The following XPO7 variants were observed in gnomAD, a reference collection of about 807,000 sequenced individuals.
XPO7 encodes exportin-7.
A neutral mutation model predicts 144.3 loss-of-function variants in XPO7; 21 were observed. The ratio of observed to expected loss-of-function variants is 0.15; its 90% CI spans 0.10 to 0.21. XPO7 has a LOEUF of 0.21. Among genes scored for constraint, XPO7 ranks in the 10% least tolerant of loss-of-function variants. The pLI, the probability that XPO7 is intolerant of heterozygous loss-of-function variation, is 1.00. For missense variants in XPO7, 808 were observed against 1,325.8 expected (o/e 0.61, Z 6.06); for synonymous variants, 580 against 499.6 (o/e 1.16, Z -2.15).
At chr8:21,997,017 A>T (rs752274270) in intron 21 of XPO7, among the ~76,000 whole-genome samples, 2 of 152,160 alleles carry the variant, frequency 1.3e-5, no homozygotes, top group Non-Finnish European at 2.9e-5. Context: ...CGTGTTGGTC[A>T]TGCTGGTCTT....
chr8:21,966,769 T>C, intron 1 of XPO7, 88 bp from the exon 2 acceptor site: 2 of 1,499,506 alleles, frequency 1.3e-6, no homozygotes, highest in Non-Finnish European at 1.8e-6. Flanking sequence ...TTACTGATTA[T>C]TATTTATCTT....
chr8:21,997,718 A>T (rs1812999125), intron 21 of XPO7, among the ~76,000 whole-genome samples: 2 of 152,196 alleles, frequency 1.3e-5, no homozygotes, highest in South Asian at 4.1e-4. Flanking sequence ...ATCTCATTTA[A>T]GTTTTTTAAA....
At chr8:21,971,276 C>T (rs554505895) in intron 4 of XPO7, among the ~76,000 whole-genome samples, 1 of 152,250 alleles carries the variant, frequency 6.6e-6, no homozygotes, top group Admixed American at 6.5e-5. Context: ...TTTCGTAGAA[C>T]GTGTCGCCAT....
chr8:21,999,054 A>G (rs1038400624), intron 22 of XPO7, 37 bp from the exon 23 acceptor site: 22 of 1,611,448 alleles, frequency 1.4e-5, no homozygotes, highest in Non-Finnish European at 1.9e-5. Context: ...AGCGCTTCTA[A>G]TGTGGTTGAA....
chr8:21,990,309 T>A (rs1812727280), intron 16 of XPO7, 35 bp from the exon 17 acceptor site: 8 of 1,609,764 alleles, frequency 5.0e-6, no homozygotes, highest in Middle Eastern at 1.7e-4. Flanking sequence ...TCGGCCTGCT[T>A]CACACTTTCC....
intron 6 of XPO7, among the ~76,000 whole-genome samples, chr8:21,975,255 G>A (rs1812192402): frequency 6.6e-6 from 1 of 152,220 alleles, no homozygotes; most frequent in African/African-American, 2.4e-5. Flanking sequence ...ACATAAACAA[G>A]TAACATCTGT....
intron 2 of XPO7, 33 bp downstream of exon 2, chr8:21,967,036 A>C (rs4872191): frequency 1.3e-6 from 2 of 1,599,200 alleles, no homozygotes; most frequent in East Asian, 2.2e-5. Flanking sequence ...AAAGGATAAC[A>C]GGCGCTTCGG....
chr8:21,980,785 A>C (rs1812382601), intron 9 of XPO7, among the ~76,000 whole-genome samples: 1 of 152,158 alleles, frequency 6.6e-6, no homozygotes. Context: ...AAAAAAAAAA[A>C]AAAAACTAAC....
At chr8:22,000,644 G>A (rs1813110393) in intron 24 of XPO7, among the ~76,000 whole-genome samples, 2 of 151,848 alleles carry the variant, frequency 1.3e-5, no homozygotes, top group South Asian at 4.2e-4. Context: ...TAGTAGAGAC[G>A]GAGTTTCACT....
intron 1 of XPO7, among the ~76,000 whole-genome samples, chr8:21,924,748 A>G (rs1378489912): frequency 6.6e-6 from 1 of 152,172 alleles, no homozygotes; most frequent in Non-Finnish European, 1.5e-5. Flanking sequence ...TGCTCACAAC[A>G]TTTTATTGAG....
chr8:22,002,990 G>A, intron 25 of XPO7: 2 of 355,618 alleles, frequency 5.6e-6, no homozygotes, highest in Non-Finnish European at 1.0e-5. Flanking sequence ...AGATCCATTG[G>A]TAAGTGAAGT....
chr8:21,970,731 C>T (rs558220183), intron 4 of XPO7, among the ~76,000 whole-genome samples: 1 of 152,264 alleles, frequency 6.6e-6, no homozygotes, highest in African/African-American at 2.4e-5. Flanking sequence ...ATACAGCTTG[C>T]ACTTCATGAT....
chr8:21,929,756 T>C (rs1349574359), intron 1 of XPO7, among the ~76,000 whole-genome samples: 3 of 152,178 alleles, frequency 2.0e-5, no homozygotes, highest in South Asian at 2.1e-4. Context: ...ATTTTAAGAT[T>C]GAATTTAAAG....
At chr8:21,989,394 G>A (rs1017353055) in intron 16 of XPO7, among the ~76,000 whole-genome samples, 4 of 152,168 alleles carry the variant, frequency 2.6e-5, no homozygotes, top group Non-Finnish European at 4.4e-5. Context: ...TTTAGTATCC[G>A]TAGTAGAGAC....
At position 21,987,018 on chromosome 8, in the gene XPO7, T is replaced by C. The variant is rs1812600476; in HGVS notation, c.1578-123T>C. On this transcript the variant is annotated intron_variant, in intron 13 of 27. Coordinates refer to ENST00000252512, the MANE Select transcript of XPO7 (RefSeq NM_015024.5). ...TGCCTCCCTCATTTATGTAGATGAA[T>C]TTGGTTGCAGGAGGTTGCTGTACCC... is the stretch of plus-strand genomic sequence containing the variant. 5 of 1,347,826 alleles carry C rather than the reference T, an allele frequency of 3.7e-6. No homozygotes were observed. The East Asian group carries it at 1.2e-4, about 31-fold the overall frequency. The allele number at this position is 1,347,826 out of a possible 1,614,324, so 83.5% of individuals were successfully genotyped here. A position where few individuals can be genotyped will look rare whatever the true frequency, so the allele number is the denominator to read the frequency against.
At position 21,987,380 on chromosome 8, in the gene XPO7, C is replaced by T. The variant is rs537272808; in HGVS notation, c.1713+104C>T. ...TAGTTCACATAACCTCCAGATTTCA[C>T]GTAATAGGACAGTCCAAATGTTTTC... On this transcript the variant is annotated intron_variant, in intron 14 of 27. Transcript: ENST00000252512. The T allele has an allele frequency of 1.2e-4, 181 of 1,459,876 alleles. No individual in the cohort carries two copies. The East Asian group carries it at 3.0e-3, about 24-fold the overall frequency. The allele number at this position is 1,459,876 out of a possible 1,614,324, so 90.4% of individuals were successfully genotyped here. A position where few individuals can be genotyped will look rare whatever the true frequency, so the allele number is the denominator to read the frequency against.
intron 4 of XPO7, among the ~76,000 whole-genome samples, chr8:21,971,302 G>T (rs1449890062): frequency 1.3e-5 from 2 of 152,128 alleles, no homozygotes; most frequent in African/African-American, 4.8e-5. Context: ...AGTGACTCAT[G>T]ACTGTATCTA....
intron 11 of XPO7, among the ~76,000 whole-genome samples, chr8:21,983,579 G>A (rs1353581104): frequency 6.6e-6 from 1 of 152,178 alleles, no homozygotes; most frequent in African/African-American, 2.4e-5. Context: ...AAGTTCACCA[G>A]CAAGCCTTCT....
chr8:21,990,686 C>A, intron 17 of XPO7, 125 bp from the exon 18 acceptor site: 1 of 991,482 alleles, frequency 1.0e-6, no homozygotes, highest in Non-Finnish European at 1.5e-6. Context: ...AAAAAACCTT[C>A]AGATCCTCAA....
Sources: allele counts gnomAD v4.1 joint callset (sites outside exome capture counted in the v4.1 genomes callset), GRCh38; gene constraint gnomAD v4.1.1; transcripts MANE v1.5; gene names NCBI Gene and HGNC (gene_info 2026-07-23, HGNC 2026-07-21).